Variants in FOXP1 observed in about 807,000 individuals in gnomAD.
The protein encoded by FOXP1 is forkhead box protein P1.
Under a neutral mutation model 98.2 loss-of-function variants are expected in FOXP1, and 15 were observed. The observed-to-expected ratio is 0.15, with a 90% confidence interval of 0.10 to 0.24. FOXP1 has a LOEUF of 0.24. Among genes scored for constraint, FOXP1 ranks in the 10% least tolerant of loss-of-function variants. FOXP1 has a pLI of 1.00. For synonymous variants in FOXP1, 371 were observed against 314.5 expected, an observed-to-expected ratio of 1.18 and a Z score of -1.90; for missense variants, 633 against 848.5, an observed-to-expected ratio of 0.75 and a Z score of 3.15.
intron 3 of FOXP1, among the ~76,000 whole-genome samples, chr3:71,466,275 G>C (rs13096070): frequency 0.35 from 53,054 of 151,834 alleles, 9,705 homozygotes; most frequent in Non-Finnish European, 0.38. Flanking sequence ...TTGTCTTGGG[G>C]CTGGAAAAAA....
At chr3:71,059,661 G>A (rs1375381969) in intron 7 of FOXP1, among the ~76,000 whole-genome samples, 1 of 151,992 alleles carries the variant, frequency 6.6e-6, no homozygotes, top group East Asian at 1.9e-4. Flanking sequence ...CCTGTAGCTG[G>A]GATGGAAAAC....
intron 6 of FOXP1, among the ~76,000 whole-genome samples, chr3:71,186,296 A>T (rs1307908574): frequency 6.6e-6 from 1 of 152,224 alleles, no homozygotes; most frequent in Non-Finnish European, 1.5e-5. Context: ...ACCACCAATA[A>T]CGTCAAAACT....
rs138426358 is a variant in FOXP1, at chr3:71,109,055, A to C, written c.282+3481T>G. On this transcript the variant is annotated intron_variant, in intron 7 of 20. Transcript: ENST00000649528. ...AAGCAAATGAACAGACTAAGTAAAA[A>C]GATAATTTTGGTTACTAAGTAGAAT... 4.2e-4 allele frequency among the ~76,000 whole-genome samples: 64 copies of C among 152,370 alleles called. No individual in the cohort carries two copies. The East Asian group carries it at 0.01, about 25-fold the overall frequency.
In FOXP1 at chr3:71,325,649, GTATTATTATTAT is replaced by G. The variant is rs10575337; in HGVS notation, c.-72-25781_-72-25770del. Reference sequence around the variant, plus strand: ...GCCTATAAAGAAATCTCCTACAAATGTATTATTATTATTATTATTATTATTATTATTATCACT... The same window carrying G: ...GCCTATAAAGAAATCTCCTACAAATGTATTATTATTATTATTATTATCACT... On this transcript the variant is annotated intron_variant, in intron 4 of 20. Transcript: ENST00000649528. Among the ~76,000 whole-genome samples, 157 of 148,092 alleles carry G rather than the reference GTATTATTATTAT, an allele frequency of 1.1e-3. 1 individual carries two copies. The highest frequency in any genetic ancestry group is 3.0e-3 in the African/African-American group (120 of 40,070).
At chr3:71,187,470 C>T (rs1041192837) in intron 6 of FOXP1, among the ~76,000 whole-genome samples, 7 of 152,102 alleles carry the variant, frequency 4.6e-5, no homozygotes, top group Admixed American at 4.6e-4. Flanking sequence ...GAAATCCCAG[C>T]TACTAGGGAA....
chr3:71,233,466 AC>A (rs2066503878), intron 5 of FOXP1, among the ~76,000 whole-genome samples: 1 of 151,774 alleles, frequency 6.6e-6, no homozygotes, highest in African/African-American at 2.4e-5. Flanking sequence ...CACTCTTGTC[AC>A]CCAGGCTAGA....
At chr3:71,032,137 C>T (rs557449019) in intron 11 of FOXP1, among the ~76,000 whole-genome samples, 13 of 152,344 alleles carry the variant, frequency 8.5e-5, no homozygotes, top group Middle Eastern at 6.8e-3. Flanking sequence ...AGTACCCGCC[C>T]GGCGCAGCCC....
At chr3:71,039,757 A>G (rs1024295577) in intron 11 of FOXP1, among the ~76,000 whole-genome samples, 9 of 136,442 alleles carry the variant, frequency 6.6e-5, no homozygotes, top group South Asian at 4.7e-4. Context: ...TTCTTTCTTG[A>G]AAAAAAAAAA....
chr3:71,174,825 C>CAT (rs1402931120), intron 6 of FOXP1, among the ~76,000 whole-genome samples: 28 of 151,052 alleles, frequency 1.9e-4, no homozygotes, highest in Non-Finnish European at 2.4e-4. Context: ...CACACACACA[C>CAT]ACCCCAATAT....
At chr3:71,533,948 A>G (rs2044072411) in intron 2 of FOXP1, among the ~76,000 whole-genome samples, 1 of 152,160 alleles carries the variant, frequency 6.6e-6, no homozygotes. Context: ...GGGAAGCCCA[A>G]TTGTTCAAAA....
At chr3:71,064,837 T>A (rs1429933570) in intron 7 of FOXP1, 1 of 982,998 alleles carries the variant, frequency 1.0e-6, no homozygotes, top group Non-Finnish European at 1.2e-6. Context: ...ACACTCTCCA[T>A]GTAGCCGCCA....
chr3:71,561,942 T>C (rs1429584605), intron 2 of FOXP1, among the ~76,000 whole-genome samples: 2 of 152,208 alleles, frequency 1.3e-5, no homozygotes, highest in Non-Finnish European at 2.9e-5. Context: ...TAAACATTTT[T>C]CATCTTCTAC....
At chr3:71,291,585 A>C (rs2072749091) in intron 5 of FOXP1, among the ~76,000 whole-genome samples, 1 of 152,222 alleles carries the variant, frequency 6.6e-6, no homozygotes, top group Non-Finnish European at 1.5e-5. Flanking sequence ...ACCTGCAGAA[A>C]GAACTACTTT....
rs56318177 is a variant in FOXP1 at position 71,085,735 on chromosome 3, C to CTTTTTTTTTTTTTTTTTTTTT, written c.282+26800_282+26801insAAAAAAAAAAAAAAAAAAAAA. 9.3e-3 allele frequency among the ~76,000 whole-genome samples: 343 copies of CTTTTTTTTTTTTTTTTTTTTT among 37,014 alleles called. 141 individuals are homozygous for CTTTTTTTTTTTTTTTTTTTTT. The highest frequency in any genetic ancestry group is 0.031 in the African/African-American group (314 of 10,102). 24.3% of individuals were successfully genotyped at this position (37,014 alleles called of 152,430 possible). A position where few individuals can be genotyped will look rare whatever the true frequency, so the allele number is the denominator to read the frequency against. On this transcript the variant is annotated intron_variant, in intron 7 of 20. Coordinates refer to ENST00000649528, the MANE Select transcript of FOXP1 (RefSeq NM_001349338.3). ...TTGTATGGTGGGTATCATTTATGGC[C>CTTTTTTTTTTTTTTTTTTTTT]TTTTTTTTTTTTTTACATGGAGTCT...
At position 71,126,898 on chromosome 3, in the gene FOXP1, AAAAG is replaced by A. The variant is rs1402355957; in HGVS notation, c.181-14265_181-14262del. 4.6e-5 allele frequency among the ~76,000 whole-genome samples: 7 copies of A among 151,962 alleles called. No individual in the cohort carries two copies. In the East Asian group the frequency reaches 1.2e-3, roughly 25 times the overall value. On this transcript the variant is annotated intron_variant, in intron 6 of 20. Transcript: ENST00000649528. ...AAAAAAAAAAACAAAAACAAAAAAA[AAAAG>A]AAAGAAGAAAAAAGAAAAGAATATT...
intron 7 of FOXP1, among the ~76,000 whole-genome samples, chr3:71,085,516 T>C (rs2054946306): frequency 6.6e-6 from 1 of 152,014 alleles, no homozygotes; most frequent in African/African-American, 2.4e-5. Flanking sequence ...TATTTTCCTG[T>C]TACTGTGAAA....
rs549905395 is a variant in FOXP1, at chr3:71,240,929, C to T, written c.-11-42537G>A. ...TCAAGCTAAATTAAACTTTTACCTT[C>T]GCTGGGCGCGGTTTCTCACGCCTGT... On this transcript the variant is annotated intron_variant, in intron 5 of 20. Coordinates refer to ENST00000649528, the MANE Select transcript of FOXP1 (RefSeq NM_001349338.3). Among the ~76,000 whole-genome samples, 45 of 151,720 alleles carry T rather than the reference C, an allele frequency of 3.0e-4. No homozygotes were observed. In the East Asian group the frequency reaches 8.1e-3, roughly 27 times the overall value.
chr3:71,403,383 T>A (rs917591843), intron 3 of FOXP1, among the ~76,000 whole-genome samples: 2 of 152,236 alleles, frequency 1.3e-5, no homozygotes, highest in African/African-American at 4.8e-5. Flanking sequence ...TTCAGGGTGA[T>A]GGCTCATAAA....
At chr3:71,279,830 A>G (rs1482360194) in intron 5 of FOXP1, among the ~76,000 whole-genome samples, 1 of 152,136 alleles carries the variant, frequency 6.6e-6, no homozygotes, top group African/African-American at 2.4e-5. Flanking sequence ...TGCCCAATAA[A>G]AATAGAATGC....
Sources: allele counts gnomAD v4.1 joint callset (sites outside exome capture counted in the v4.1 genomes callset), GRCh38; gene constraint gnomAD v4.1.1; transcripts MANE v1.5; gene names NCBI Gene and HGNC (gene_info 2026-07-23, HGNC 2026-07-21).